Variants in TDRD3 observed in about 807,000 individuals in gnomAD.
The protein encoded by TDRD3 is tudor domain-containing protein 3.
Under a neutral mutation model 86.7 loss-of-function variants are expected in TDRD3, and 45 were observed. That is an observed-to-expected ratio of 0.52 (90% CI 0.41 to 0.67). The LOEUF is 0.67. Among genes scored for constraint, TDRD3 ranks in the 30% least tolerant of loss-of-function variants. The pLI is 0.00. For synonymous variants in TDRD3, 298 were observed against 301.7 expected (o/e 0.99, Z 0.13); for missense variants, 814 against 889.0 (o/e 0.92, Z 1.07).
At chr13:60,561,665 C>T (rs1254778139) in intron 12 of TDRD3, among the ~76,000 whole-genome samples, 4 of 152,256 alleles carry the variant, frequency 2.6e-5, no homozygotes, top group East Asian at 1.9e-4. Context: ...CTGAGATTTA[C>T]GATACCTGTA....
intron 5 of TDRD3, among the ~76,000 whole-genome samples, chr13:60,468,163 G>A (rs1216886048): frequency 6.6e-6 from 1 of 152,010 alleles, no homozygotes; most frequent in East Asian, 1.9e-4. Flanking sequence ...TTATATTCTA[G>A]CCCTAGTTCC....
At chr13:60,436,403 C>G (rs972047310) in intron 1 of TDRD3, among the ~76,000 whole-genome samples, 1 of 152,026 alleles carries the variant, frequency 6.6e-6, no homozygotes, top group Non-Finnish European at 1.5e-5. Context: ...TTCATGATTT[C>G]AGGTCTTAGA....
chr13:60,525,298 C>T (rs1169160070), intron 10 of TDRD3, among the ~76,000 whole-genome samples: 1 of 149,688 alleles, frequency 6.7e-6, no homozygotes, highest in South Asian at 2.1e-4. Context: ...TTCACCCTCC[C>T]GAGTAGCTGG....
intron 4 of TDRD3, among the ~76,000 whole-genome samples, chr13:60,465,257 T>C (rs1022348927): frequency 1.3e-5 from 2 of 152,206 alleles, no homozygotes; most frequent in African/African-American, 4.8e-5. Context: ...AAGAGTACAG[T>C]AGCCTGGTGT....
intron 1 of TDRD3, among the ~76,000 whole-genome samples, chr13:60,399,194 G>T (rs1217062274): frequency 6.6e-6 from 1 of 152,204 alleles, no homozygotes; most frequent in Non-Finnish European, 1.5e-5. Context: ...AGTTGACCTT[G>T]GAATGCCCCT....
chr13:60,433,478 G>A (rs145111242), intron 1 of TDRD3, among the ~76,000 whole-genome samples: 93 of 152,280 alleles, frequency 6.1e-4, no homozygotes, highest in Middle Eastern at 6.8e-3. Flanking sequence ...CTCCCAGTGC[G>A]TACAAAGTGA....
At chr13:60,471,631 A>G (rs945337641) in intron 5 of TDRD3, among the ~76,000 whole-genome samples, 1 of 152,090 alleles carries the variant, frequency 6.6e-6, no homozygotes, top group African/African-American at 2.4e-5. Context: ...TAAATCTTTC[A>G]ATTCATGACC....
In TDRD3 at chr13:60,528,733, T is replaced by C; in HGVS notation, c.1508T>C (p.Met503Thr). 1.2e-6 allele frequency: 2 copies of C among 1,613,114 alleles called. No individual in the cohort carries two copies. The highest frequency in any genetic ancestry group is 8.5e-7 in the Non-Finnish European group (1 of 1,179,748). ...DGAFKKRDNS[M>T]QSRSGKGPSF... ...GCTTTTAAAAAAAGAGATAACTCTA[T>C]GCAAAGCAGATCAGGAAAAGGTCCC... The change falls in exon 11 of 14, where the codon ATG (methionine) becomes ACG (threonine). Residue 503 changes from methionine (M) to threonine (T), a missense_variant. Transcript: ENST00000377881.
At chr13:60,428,421 G>A (rs527415452) in intron 1 of TDRD3, among the ~76,000 whole-genome samples, 2 of 152,046 alleles carry the variant, frequency 1.3e-5, no homozygotes, top group South Asian at 4.2e-4. Context: ...TAATATAGGG[G>A]CCAAGGGAAA....
rs150253803 is a variant in TDRD3, at chr13:60,420,109, A to T, written c.42-19579A>T. Among the ~76,000 whole-genome samples the T allele has an allele frequency of 6.8e-3, 1,028 of 152,194 alleles. 7 individuals carry two copies. The highest frequency in any genetic ancestry group is 0.023 in the African/African-American group (950 of 41,548). ...TAGAAGATAGATATCATTTACATCA[A>T]GTTAATCAGTGTATAAGAAGTATGA... On this transcript the variant is annotated intron_variant, in intron 1 of 13. Transcript: ENST00000377881.
At chr13:60,422,337 G>A (rs2063052214) in intron 1 of TDRD3, among the ~76,000 whole-genome samples, 1 of 152,162 alleles carries the variant, frequency 6.6e-6, no homozygotes, top group Admixed American at 6.5e-5. Context: ...TGACTGGTAG[G>A]AAAGGGTGAC....
intron 1 of TDRD3, among the ~76,000 whole-genome samples, chr13:60,434,691 G>C (rs112895569): frequency 0.017 from 2,597 of 151,516 alleles, 26 homozygotes; most frequent in Middle Eastern, 0.048. Context: ...CCATTAGAGA[G>C]TGAAAAAAAA....
chr13:60,397,280 T>TTTTC lies in TDRD3; in HGVS notation c.-82_-81insCTTT. The TTTTC allele has an allele frequency of 1.4e-6, 1 of 723,366 alleles. No homozygotes were observed. The highest frequency in any genetic ancestry group is 3.4e-5 in the East Asian group (1 of 29,570). The allele number at this position is 723,366 out of a possible 1,614,324, so 44.8% of individuals were successfully genotyped here. A position where few individuals can be genotyped will look rare whatever the true frequency, so the allele number is the denominator to read the frequency against. On this transcript the variant is annotated 5_prime_UTR_variant, in exon 1 of 14. It introduces an in-frame stop codon into an upstream open reading frame of the 5' UTR. Coordinates refer to ENST00000377881, the MANE Select transcript of TDRD3 (RefSeq NM_001146070.2). ...GTTTTTTCTTTTCTTTTCTTTTTTT[T>TTTTC]TTTTTAAGGGGGGGGGTCTCAAGTA...
intron 10 of TDRD3, among the ~76,000 whole-genome samples, chr13:60,522,422 T>C (rs112373100): frequency 0.056 from 8,602 of 152,292 alleles, 307 homozygotes; most frequent in Middle Eastern, 0.085. Flanking sequence ...CAATTAAGTT[T>C]ATTTGCTTAA....
intron 1 of TDRD3, among the ~76,000 whole-genome samples, chr13:60,417,688 C>G (rs768876140): frequency 6.6e-6 from 1 of 152,044 alleles, no homozygotes; most frequent in South Asian, 2.1e-4. Flanking sequence ...TCTTTCTGGG[C>G]CTGAACTTCA....
chr13:60,560,131 G>A (rs149411414), intron 12 of TDRD3, among the ~76,000 whole-genome samples: 4 of 152,128 alleles, frequency 2.6e-5, no homozygotes, highest in South Asian at 2.1e-4. Flanking sequence ...AATATATACC[G>A]TATGATGCAA....
intron 2 of TDRD3, 92 bp from the exon 3 acceptor site, chr13:60,444,591 A>T (rs1039140822): frequency 2.6e-6 from 2 of 760,676 alleles, no homozygotes; most frequent in African/African-American, 3.7e-5. Flanking sequence ...TTGTTTCACA[A>T]ACCATAAGTA....
At chr13:60,497,737 G>C (rs1449743202) in intron 8 of TDRD3, among the ~76,000 whole-genome samples, 3 of 152,188 alleles carry the variant, frequency 2.0e-5, no homozygotes, top group African/African-American at 7.2e-5. Context: ...GGTGGGCCCT[G>C]ATGAAGCTGG....
chr13:60,437,476 A>G (rs1490409415), intron 1 of TDRD3, among the ~76,000 whole-genome samples: 1 of 151,790 alleles, frequency 6.6e-6, no homozygotes, highest in Non-Finnish European at 1.5e-5. Flanking sequence ...GTTAGGAGTC[A>G]TTTTTGTTTT....
Sources: allele counts gnomAD v4.1 joint callset (sites outside exome capture counted in the v4.1 genomes callset), GRCh38; gene constraint gnomAD v4.1.1; transcripts MANE v1.5; gene names NCBI Gene and HGNC (gene_info 2026-07-23, HGNC 2026-07-21).